Variants in GRM7 observed in about 807,000 individuals in gnomAD.
GRM7 encodes glutamate metabotropic receptor 7.
Under a neutral mutation model 84.5 loss-of-function variants are expected in GRM7, and 35 were observed. That is an observed-to-expected ratio of 0.41 (90% CI 0.32 to 0.55). GRM7 has a LOEUF of 0.55. Ranked by LOEUF, GRM7 falls within the 20% of genes least tolerant of loss-of-function variation. The pLI, the probability that GRM7 is intolerant of heterozygous loss-of-function variation, is 0.19. For missense variants in GRM7, 1,003 were observed against 1,194.6 expected, an observed-to-expected ratio of 0.84 and a Z score of 2.36; for synonymous variants, 487 against 455.1, an observed-to-expected ratio of 1.07 and a Z score of -0.89.
intron 7 of GRM7, among the ~76,000 whole-genome samples, chr3:7,477,958 A>G (rs563437303): frequency 1.3e-5 from 2 of 152,196 alleles, no homozygotes; most frequent in African/African-American, 2.4e-5. Flanking sequence ...TCATGATCCA[A>G]TCTTCCTGCT....
intron 4 of GRM7, among the ~76,000 whole-genome samples, chr3:7,337,877 C>T (rs1431733361): frequency 6.6e-6 from 1 of 151,834 alleles, no homozygotes; most frequent in East Asian, 1.9e-4. Context: ...AATAGAACTG[C>T]CATTTGATCC....
intron 4 of GRM7, among the ~76,000 whole-genome samples, chr3:7,344,633 A>G (rs1325773752): frequency 6.6e-6 from 1 of 152,206 alleles, no homozygotes; most frequent in Non-Finnish European, 1.5e-5. Flanking sequence ...AACATGGAAG[A>G]ACCTGGAGTG....
chr3:7,161,673 T>C (rs1694628265), intron 2 of GRM7, among the ~76,000 whole-genome samples: 1 of 152,230 alleles, frequency 6.6e-6, no homozygotes. Context: ...GTAACAATAT[T>C]ACTAGTCCTT....
rs575083933 is a variant in GRM7, at chr3:7,118,110, G to T, written c.520-28342G>T. Among the ~76,000 whole-genome samples the T allele has an allele frequency of 2.0e-4, 30 of 152,270 alleles. No individual in the cohort carries two copies. The South Asian group carries it at 6.0e-3, about 31-fold the overall frequency. ...TTATAAAAACCCAAAAGAAGGCTGG[G>T]TATGGTGGCTTATGCCAGAAATCCC... On this transcript the variant is annotated intron_variant, in intron 1 of 9. Coordinates refer to ENST00000357716, the MANE Select transcript of GRM7 (RefSeq NM_000844.4).
intron 1 of GRM7, among the ~76,000 whole-genome samples, chr3:7,039,897 T>A (rs545979197): frequency 6.6e-6 from 1 of 152,314 alleles, no homozygotes; most frequent in South Asian, 2.1e-4. Flanking sequence ...CTAATTTCCT[T>A]GGCATTTTTA....
chr3:7,678,519 G>T, intron 8 of GRM7, among the ~76,000 whole-genome samples: 1 of 152,244 alleles, frequency 6.6e-6, no homozygotes, highest in Non-Finnish European at 1.5e-5. Flanking sequence ...AACAGTGTAG[G>T]CTGGCAAGGT....
At chr3:7,659,708 C>A (rs115189270) in intron 8 of GRM7, among the ~76,000 whole-genome samples, 1,893 of 152,268 alleles carry the variant, frequency 0.012, 50 homozygotes, top group African/African-American at 0.044. Flanking sequence ...ACTGATCAAA[C>A]TCTGGCTGGC....
chr3:7,238,442 C>T (rs1418632083), intron 2 of GRM7, among the ~76,000 whole-genome samples: 4 of 152,048 alleles, frequency 2.6e-5, no homozygotes, highest in Admixed American at 1.3e-4. Flanking sequence ...ATTTTTTCAC[C>T]ACTCCCCACT....
chr3:6,992,799 C>T (rs1038799295), intron 1 of GRM7, among the ~76,000 whole-genome samples: 2 of 152,176 alleles, frequency 1.3e-5, no homozygotes, highest in South Asian at 2.1e-4. Flanking sequence ...TCCTCCCACC[C>T]TCTGATGTCT....
chr3:7,152,909 T>C (rs564719331), intron 2 of GRM7, among the ~76,000 whole-genome samples: 1 of 152,292 alleles, frequency 6.6e-6, no homozygotes, highest in African/African-American at 2.4e-5. Flanking sequence ...TAATTCAGTC[T>C]TGGCTAATCA....
chr3:7,399,810 T>C (rs1695371699), intron 4 of GRM7, among the ~76,000 whole-genome samples: 1 of 152,186 alleles, frequency 6.6e-6, no homozygotes, highest in South Asian at 2.1e-4. Flanking sequence ...CGTCCCTTCC[T>C]GCTGTGAGTA....
chr3:6,891,522 G>T (rs1695945233), intron 1 of GRM7, among the ~76,000 whole-genome samples: 2 of 152,246 alleles, frequency 1.3e-5, no homozygotes, highest in Admixed American at 6.5e-5. Context: ...GAAAATCTGG[G>T]TTGAAAATTC....
intron 4 of GRM7, among the ~76,000 whole-genome samples, chr3:7,364,155 T>G (rs1693781299): frequency 6.6e-6 from 1 of 152,024 alleles, no homozygotes; most frequent in Non-Finnish European, 1.5e-5. Flanking sequence ...TTCCTCTATA[T>G]AATTTTATCA....
chr3:7,729,515 C>A (rs1383918128), intron 9 of GRM7, among the ~76,000 whole-genome samples: 1 of 152,062 alleles, frequency 6.6e-6, no homozygotes, highest in Non-Finnish European at 1.5e-5. Flanking sequence ...ATTACTGAGT[C>A]AACAATATGT....
intron 8 of GRM7, among the ~76,000 whole-genome samples, chr3:7,665,882 G>A (rs776562438): frequency 7.2e-5 from 11 of 151,908 alleles, no homozygotes; most frequent in Non-Finnish European, 1.6e-4. Context: ...TCAAAAAGAG[G>A]GTCCGTTTTA....
chr3:7,106,425 G>A lies in GRM7; in HGVS notation c.520-40027G>A, dbSNP rs140240489. ...CCCCCCTATATTGTAATCACATGCT[G>A]GGTTTTTAAACATCTTGGATTGCTA... On this transcript the variant is annotated intron_variant, in intron 1 of 9. Coordinates refer to ENST00000357716, the MANE Select transcript of GRM7 (RefSeq NM_000844.4). Among the ~76,000 whole-genome samples, 20 of 151,414 alleles carry A rather than the reference G, an allele frequency of 1.3e-4. No homozygotes were observed. The East Asian group carries it at 3.9e-3, about 29-fold the overall frequency.
intron 1 of GRM7, among the ~76,000 whole-genome samples, chr3:6,988,085 C>T (rs1390195182): frequency 1.2e-4 from 18 of 150,644 alleles, no homozygotes; most frequent in Admixed American, 1.2e-3. Flanking sequence ...CAAGCTCCGC[C>T]TCCTGGGTTC....
chr3:7,182,904 T>TG (rs894724690), intron 2 of GRM7, among the ~76,000 whole-genome samples: 4 of 150,296 alleles, frequency 2.7e-5, no homozygotes, highest in African/African-American at 9.7e-5. Context: ...GTGTTTTTTT[T>TG]TTTTTTTTTT....
chr3:7,130,135 C>G (rs1693542009), intron 1 of GRM7, among the ~76,000 whole-genome samples: 2 of 152,130 alleles, frequency 1.3e-5, no homozygotes, highest in Non-Finnish European at 2.9e-5. Context: ...CATCTTTGAC[C>G]TGTTGAGATA....
Sources: allele counts gnomAD v4.1 joint callset (sites outside exome capture counted in the v4.1 genomes callset), GRCh38; gene constraint gnomAD v4.1.1; transcripts MANE v1.5; gene names NCBI Gene and HGNC (gene_info 2026-07-23, HGNC 2026-07-21).